The following CBL variants were observed in gnomAD, a reference collection of about 807,000 sequenced individuals.
The protein encoded by CBL is E3 ubiquitin-protein ligase CBL.
In CBL, 45 loss-of-function variants were observed where a neutral mutation model predicts 96.9. The observed-to-expected ratio is 0.46, with a 90% CI of 0.37 to 0.60. The LOEUF is 0.60. CBL is among the 20% of genes least tolerant of loss of function. The pLI is 0.00. For missense variants in CBL, 1,024 were observed against 1,143.5 expected, an observed-to-expected ratio of 0.90 and a Z score of 1.51; for synonymous variants, 420 against 426.8, an observed-to-expected ratio of 0.98 and a Z score of 0.20.
chr11:119,246,749 G>A (rs1360634998), intron 2 of CBL, among the ~76,000 whole-genome samples: 1 of 152,216 alleles, frequency 6.6e-6, no homozygotes, highest in African/African-American at 2.4e-5. Context: ...AGTGCGCCCA[G>A]GCGAGTATTA....
At chr11:119,249,945 A>G (rs1949658934) in intron 2 of CBL, among the ~76,000 whole-genome samples, 1 of 152,152 alleles carries the variant, frequency 6.6e-6, no homozygotes, top group Non-Finnish European at 1.5e-5. Context: ...GATGTGAGCC[A>G]CTGTGCCTGG....
At chr11:119,227,251 T>C (rs936215145) in intron 1 of CBL, among the ~76,000 whole-genome samples, 5 of 152,218 alleles carry the variant, frequency 3.3e-5, no homozygotes, top group Admixed American at 6.5e-5. Flanking sequence ...TACTGTGTTA[T>C]GAACATGTTT....
intron 2 of CBL, among the ~76,000 whole-genome samples, chr11:119,244,421 A>AT (rs10717493): frequency 3.6e-4 from 53 of 146,574 alleles, no homozygotes; most frequent in Middle Eastern, 3.5e-3. Context: ...TTTTTAATTA[A>AT]TTTTTTTTTT....
intron 1 of CBL, among the ~76,000 whole-genome samples, chr11:119,211,639 G>C (rs1949319995): frequency 6.6e-6 from 1 of 151,802 alleles, no homozygotes; most frequent in Non-Finnish European, 1.5e-5. Flanking sequence ...AAGTAGCTGG[G>C]ATTACAGGTG....
In CBL at chr11:119,299,716, G is replaced by A. The variant is rs1435757249; in HGVS notation, c.2656G>A (p.Glu886Lys). 1.9e-6 allele frequency: 3 copies of A among 1,614,138 alleles called. No homozygotes were observed. Among genetic ancestry groups the A allele is most frequent in the South Asian group, 1.1e-5 (1 of 91,076 alleles). The stretch of plus-strand genomic sequence containing the variant: ...TTTGGTCATTGCCCAGAACAACATC[G>A]AGATGGCCAAAAACATCCTCCGGGA... ...KALVIAQNNIEMAKNILREFV... is the reference protein window; with the variant it reads ...KALVIAQNNIKMAKNILREFV... The change falls in exon 16 of 16, where the codon GAG becomes AAG. Residue 886 changes from glutamate to lysine, a missense_variant. By Grantham distance (56) the Glu-to-Lys change is moderately conservative. Around this residue, in one of 4 missense-constraint regions of CBL, gnomAD observed 23 missense variants for 42.7 expected, o/e 0.54. Transcript: ENST00000264033.
intron 1 of CBL, among the ~76,000 whole-genome samples, chr11:119,216,170 A>T (rs1272046068): frequency 6.6e-6 from 1 of 152,092 alleles, no homozygotes; most frequent in African/African-American, 2.4e-5. Context: ...AGTCGTGTGT[A>T]ACAGCCTCCA....
At chr11:119,297,514 T>C in intron 14 of CBL, 33 bp downstream of exon 14, 3 of 1,428,240 alleles carry the variant, frequency 2.1e-6, no homozygotes, top group Non-Finnish European at 3.0e-6. Context: ...TAAAAATCAT[T>C]GATATGTCAT....
chr11:119,267,942 A>G lies in CBL; in HGVS notation c.444-3793A>G, dbSNP rs571242908. 3.9e-5 allele frequency among the ~76,000 whole-genome samples: 6 copies of G among 152,352 alleles called. No homozygotes were observed. In the South Asian group the frequency reaches 1.2e-3, roughly 32 times the overall value. ...ATTTTATTATGTCTAGCTGGCTCCT[A>G]AAGAAATGACATTTAAACTGGGTCT... On this transcript the variant is annotated intron_variant, in intron 2 of 15. Transcript: ENST00000264033.
At chr11:119,290,312 C>T (rs1267592386) in intron 12 of CBL, among the ~76,000 whole-genome samples, 29 of 151,888 alleles carry the variant, frequency 1.9e-4, no homozygotes, top group Non-Finnish European at 2.9e-5. Flanking sequence ...TCCCAGAGTG[C>T]AGGGATTATA....
At chr11:119,229,291 A>G (rs1004468690) in intron 1 of CBL, among the ~76,000 whole-genome samples, 4 of 152,212 alleles carry the variant, frequency 2.6e-5, no homozygotes, top group Admixed American at 6.5e-5. Context: ...ACTCTGTTGT[A>G]CTTAGAATAT....
At chr11:119,243,087 G>A (rs968265086) in intron 2 of CBL, among the ~76,000 whole-genome samples, 4 of 152,052 alleles carry the variant, frequency 2.6e-5, no homozygotes, top group African/African-American at 9.7e-5. Context: ...AGAACAGTCT[G>A]GCCAATGTAG....
chr11:119,266,005 C>T (rs1474002356), intron 2 of CBL, among the ~76,000 whole-genome samples: 21 of 114,094 alleles, frequency 1.8e-4, no homozygotes, highest in African/African-American at 7.1e-4. Context: ...GGCGACAGAG[C>T]GAGACTCCAT....
intron 9 of CBL, among the ~76,000 whole-genome samples, chr11:119,283,794 C>T (rs916333009): frequency 4.0e-5 from 6 of 151,406 alleles, no homozygotes; most frequent in Non-Finnish European, 7.4e-5. Flanking sequence ...CCCGCCACCA[C>T]ACCTGGCTAA....
At chr11:119,298,860 T>A (rs1464344952) in intron 15 of CBL, among the ~76,000 whole-genome samples, 1 of 152,224 alleles carries the variant, frequency 6.6e-6, no homozygotes, top group Non-Finnish European at 1.5e-5. Context: ...TCCTTTTTCC[T>A]GGGCTCTGTT....
chr11:119,220,855 C>T (rs1592371826), intron 1 of CBL, among the ~76,000 whole-genome samples: 2 of 151,376 alleles, frequency 1.3e-5, no homozygotes, highest in Admixed American at 6.6e-5. Context: ...ACAAGTAAGG[C>T]GTTTTTCAAA....
chr11:119,297,198 G>A (rs943534268), intron 13 of CBL, among the ~76,000 whole-genome samples, 164 bp downstream of exon 13: 5 of 152,180 alleles, frequency 3.3e-5, no homozygotes, highest in African/African-American at 1.2e-4. Context: ...TGTAGCTGTA[G>A]GTAATTACAC....
intron 1 of CBL, among the ~76,000 whole-genome samples, chr11:119,223,830 T>C (rs902960172): frequency 1.6e-4 from 25 of 152,090 alleles, no homozygotes; most frequent in African/African-American, 6.0e-4. Flanking sequence ...TTTCACCATG[T>C]TGGCCAGGCT....
chr11:119,222,873 C>T (rs777276968), intron 1 of CBL, among the ~76,000 whole-genome samples: 3 of 151,902 alleles, frequency 2.0e-5, no homozygotes, highest in African/African-American at 7.3e-5. Context: ...ATATTAATAT[C>T]GAGAGTATCA....
intron 6 of CBL, among the ~76,000 whole-genome samples, chr11:119,276,942 T>C (rs1474798884): frequency 6.6e-6 from 1 of 152,152 alleles, no homozygotes; most frequent in East Asian, 1.9e-4. Flanking sequence ...CAAAAGCAAA[T>C]GCAGTTTAAA....
Sources: allele counts gnomAD v4.1 joint callset (sites outside exome capture counted in the v4.1 genomes callset), GRCh38; gene constraint gnomAD v4.1.1; regional missense constraint gnomAD v4.1.1; transcripts MANE v1.5; gene names NCBI Gene and HGNC (gene_info 2026-07-23, HGNC 2026-07-21).